Variants in EPG5 observed in about 807,000 individuals in gnomAD.
The protein encoded by EPG5 is ectopic P-granules 5 autophagy tethering factor.
EPG5 carries 159 observed loss-of-function variants against 302.7 expected under a neutral mutation model. The ratio of observed to expected loss-of-function variants is 0.53; its 90% CI spans 0.46 to 0.60. The LOEUF is 0.60. Ranked by LOEUF, EPG5 falls within the 20% of genes least tolerant of loss-of-function variation. The pLI is 0.00. For missense variants in EPG5, 2,896 were observed against 3,092.4 expected (o/e 0.94, Z 1.51); for synonymous variants, 1,158 against 1,136.8 (o/e 1.02, Z -0.37).
Position 45,955,213 on chromosome 18 carries a change from T to C in EPG5, c.189A>G (p.Val63=). 1 of 1,614,226 alleles carries C rather than the reference T, an allele frequency of 6.2e-7. No individual in the cohort carries two copies. The highest frequency in any genetic ancestry group is 8.5e-7 in the Non-Finnish European group (1 of 1,180,030). The change falls in exon 2 of 44, where the codon GTA becomes GTG. Residue 63 remains valine (V), a synonymous_variant. Coordinates refer to ENST00000282041, the MANE Select transcript of EPG5 (RefSeq NM_020964.3). ...CEFKGDHLKV[V]TDSQLQDDAS... Reference sequence around the variant, plus strand: ...CATCATCCTGGAGCTGGGAATCAGTTACCACCTTCAGATGGTCTCCTTTGA... The same window carrying C: ...CATCATCCTGGAGCTGGGAATCAGTCACCACCTTCAGATGGTCTCCTTTGA...
chr18:45,844,374 C>A (rs2145095382), downstream of EPG5, among the ~76,000 whole-genome samples: 1 of 152,058 alleles, frequency 6.6e-6, no homozygotes. Context: ...CTATAGTTAA[C>A]AACTTATTGT....
chr18:45,918,486 A>G (rs1301858699), intron 16 of EPG5, among the ~76,000 whole-genome samples: 6 of 152,240 alleles, frequency 3.9e-5, no homozygotes, highest in African/African-American at 1.4e-4. Context: ...AAATTCTGCT[A>G]AAACCAATTT....
At position 45,923,249 on chromosome 18, in the gene EPG5, T is replaced by C. The variant is rs374315601; in HGVS notation, c.2838+19A>G. ...GAAGATAAAGATTCATGTTTCCAAA[T>C]CAGAAGAGAAGGAAATACCTGCTTC... On this transcript the variant is annotated intron_variant, in intron 15 of 43. Coordinates refer to ENST00000282041, the MANE Select transcript of EPG5 (RefSeq NM_020964.3). The C allele has an allele frequency of 9.3e-6, 15 of 1,611,174 alleles. No homozygotes were observed. In the African/African-American group the frequency reaches 2.0e-4, roughly 22 times the overall value.
intron 27 of EPG5, 55 bp downstream of exon 27, chr18:45,899,349 A>G (rs2049551784): frequency 6.3e-7 from 1 of 1,596,190 alleles, no homozygotes; most frequent in Admixed American, 1.7e-5. Context: ...TTGATAAGCC[A>G]ACATTACGGA....
In EPG5 at chr18:45,889,858, G is replaced by T. The variant is rs767038738; in HGVS notation, c.4892C>A (p.Ala1631Asp). The change falls in exon 28 of 44, where the codon GCT becomes GAT. Residue 1631 changes from alanine (A) to aspartate (D), a missense_variant. Ala to Asp is a moderately radical substitution (Grantham distance 126). Transcript: ENST00000282041. ...RKEVKQLQAE[A>D]AKPPSLNIVE... ...AATATTAAGTGATGGTGGTTTAGCA[G>T]CTTCTGCTTGCAACTGCTTCACTTC... The T allele has an allele frequency of 6.2e-7, 1 of 1,612,414 alleles. No homozygotes were observed. Among genetic ancestry groups the T allele is most frequent in the Non-Finnish European group, 8.5e-7 (1 of 1,179,124 alleles).
rs1470315889 is a variant in EPG5 at position 45,946,706 on chromosome 18, G to A, written c.1634C>T (p.Pro545Leu). The A allele has an allele frequency of 3.1e-6, 5 of 1,614,168 alleles. No homozygotes were observed. The South Asian group carries it at 5.5e-5, about 18-fold the overall frequency. ...PSERKPSSSGPGSGTWTLVDE... is the reference protein window; with the variant it reads ...PSERKPSSSGLGSGTWTLVDE... ...TACTAGCGTCCAAGTCCCAGACCCA[G>A]GCCCTGAGGAGGATGGCTTCCGCTC... The change falls in exon 7 of 44, where the codon CCT becomes CTT. Residue 545 changes from proline to leucine, a missense_variant. Around this residue, in one of 5 missense-constraint regions of EPG5, gnomAD observed 1,390 missense variants for 1,430.0 expected, o/e 0.97. Coordinates refer to ENST00000282041, the MANE Select transcript of EPG5 (RefSeq NM_020964.3).
chr18:45,951,711 A>T (rs1253712206), intron 3 of EPG5, among the ~76,000 whole-genome samples: 1 of 152,118 alleles, frequency 6.6e-6, no homozygotes, highest in African/African-American at 2.4e-5. Context: ...CACCCACCTC[A>T]GCTTCCCAAA....
rs1042602566 is a variant in EPG5, at chr18:45,943,877, C to T, written c.1792+128G>A. Reference sequence around the variant, plus strand: ...CAGAGCTTGCAGTGAGCCGAGATCGCGCCACTGCACTCAGGCCTGGGCGAC... The same window carrying T: ...CAGAGCTTGCAGTGAGCCGAGATCGTGCCACTGCACTCAGGCCTGGGCGAC... On this transcript the variant is annotated intron_variant, in intron 8 of 43. Transcript: ENST00000282041. 44 of 601,632 alleles carry T rather than the reference C, an allele frequency of 7.3e-5. 2 individuals carry two copies. The East Asian group carries it at 1.0e-3, about 14-fold the overall frequency. 37.3% of individuals were successfully genotyped at this position (601,632 alleles called of 1,614,324 possible).
the EPG5 span, among the ~76,000 whole-genome samples, chr18:45,828,487 A>T: frequency 6.6e-6 from 1 of 151,860 alleles, no homozygotes; most frequent in African/African-American, 2.4e-5. Flanking sequence ...AGCTCCAACC[A>T]CCCGAGTGAC....
At chr18:45,835,749 C>G in the EPG5 span, among the ~76,000 whole-genome samples, 1 of 152,176 alleles carries the variant, frequency 6.6e-6, no homozygotes, top group African/African-American at 2.4e-5. Flanking sequence ...TTTCCAGGCA[C>G]AGCTCCCACA....
the EPG5 span, chr18:45,825,633 C>A: frequency 5.0e-6 from 7 of 1,403,358 alleles, no homozygotes; most frequent in Admixed American, 1.9e-5. Flanking sequence ...CCTGCCCACC[C>A]CCGCCCGCCT....
chr18:45,867,526 C>T (rs369278344), intron 37 of EPG5, 37 bp downstream of exon 37: 10 of 1,573,510 alleles, frequency 6.4e-6, no homozygotes, highest in Non-Finnish European at 7.9e-6. Flanking sequence ...ATCTAAGCAG[C>T]CTTGCCGAAT....
the EPG5 span, among the ~76,000 whole-genome samples, chr18:45,829,923 C>T: frequency 6.6e-6 from 1 of 152,150 alleles, no homozygotes; most frequent in African/African-American, 2.4e-5. Flanking sequence ...GTTAAAGTGC[C>T]ATTCTGTAAG....
At chr18:45,929,095 C>A in intron 12 of EPG5, 86 bp from the exon 13 acceptor site, 4 of 1,331,020 alleles carry the variant, frequency 3.0e-6, no homozygotes, top group Non-Finnish European at 3.1e-6. Context: ...TCAAGCAAAG[C>A]AGAAAGAATC....
At chr18:45,958,323 A>T (rs971612493) in intron 1 of EPG5, among the ~76,000 whole-genome samples, 1 of 152,208 alleles carries the variant, frequency 6.6e-6, no homozygotes, top group African/African-American at 2.4e-5. Flanking sequence ...AAGTTGATAA[A>T]CTGATACTTA....
At chr18:45,947,868 G>T (rs1362005995) in intron 6 of EPG5, among the ~76,000 whole-genome samples, 2 of 152,010 alleles carry the variant, frequency 1.3e-5, no homozygotes, top group Non-Finnish European at 2.9e-5. Context: ...CGCCTCCCAG[G>T]TTCAAATGAT....
At chr18:45,885,351 AAAAATG>A (rs1271380223) in intron 29 of EPG5, among the ~76,000 whole-genome samples, 1 of 152,140 alleles carries the variant, frequency 6.6e-6, no homozygotes, top group Non-Finnish European at 1.5e-5. Context: ...TAAAGAAAAA[AAAAATG>A]ATAAGTTAAC....
chr18:45,954,529 A>G lies in EPG5; in HGVS notation c.873T>C (p.Tyr291=), dbSNP rs766491139. ...SMAHQDRHEF[Y]ELLLNYSRCR... is the part of the protein sequence containing the mutation. ...ATCGTGAGTAGTTCAAAAGCAACTC[A>G]TAAAATTCATGCCTGTCTTGATGAG... Residue 291 remains tyrosine, a synonymous_variant, in exon 2 of 44, where the codon TAT becomes TAC. Transcript: ENST00000282041. 6.2e-7 allele frequency: 1 copy of G among 1,614,268 alleles called. No individual in the cohort carries two copies. Among genetic ancestry groups the G allele is most frequent in the Non-Finnish European group, 8.5e-7 (1 of 1,180,040 alleles).
chr18:45,927,593 T>TATACACAC lies in EPG5; in HGVS notation c.2553+1275_2553+1276insGTGTGTAT, dbSNP rs751518256. 3.0e-3 allele frequency among the ~76,000 whole-genome samples: 399 copies of TATACACAC among 133,492 alleles called. 2 individuals are homozygous for TATACACAC. Among genetic ancestry groups the TATACACAC allele is most frequent in the African/African-American group, 0.01 (354 of 33,806 alleles). 87.6% of individuals were successfully genotyped at this position (133,492 alleles called of 152,430 possible). A position where few individuals can be genotyped will look rare whatever the true frequency, so the allele number is the denominator to read the frequency against. Reference sequence around the variant, plus strand: ...GACTGAATGGATAAACAAAAAGTTATACACACACACACACACACACACACA... The same window carrying TATACACAC: ...GACTGAATGGATAAACAAAAAGTTATATACACACACACACACACACACACACACACACA... On this transcript the variant is annotated intron_variant, in intron 13 of 43. Coordinates refer to ENST00000282041, the MANE Select transcript of EPG5 (RefSeq NM_020964.3).
Sources: gnomAD v4.1 joint callset for allele counts (sites outside exome capture counted in the v4.1 genomes callset) on GRCh38, gnomAD v4.1.1 for gene constraint, gnomAD v4.1.1 regional missense constraint, MANE v1.5 for transcripts, NCBI Gene and HGNC (gene_info 2026-07-23, HGNC 2026-07-21) for gene names.